TBC1D8: variants seen among roughly 807,000 people sequenced by gnomAD.
The protein encoded by TBC1D8 is TBC1 domain family member 8, also known as BUB2-like protein 1.
Under a neutral mutation model 118.8 loss-of-function variants are expected in TBC1D8, and 65 were observed. The observed-to-expected ratio is 0.55, with a 90% CI of 0.45 to 0.67. The LOEUF is 0.67. Ranked by LOEUF, TBC1D8 falls within the 30% of genes least tolerant of loss-of-function variation. TBC1D8 has a pLI of 0.00. For synonymous variants in TBC1D8, 566 were observed against 595.8 expected, an observed-to-expected ratio of 0.95 and a Z score of 0.73; for missense variants, 1,376 against 1,471.2, an observed-to-expected ratio of 0.94 and a Z score of 1.06.
intron 2 of TBC1D8, among the ~76,000 whole-genome samples, 171 bp downstream of exon 2, chr2:101,090,038 A>G (rs1574013571): frequency 1.8e-5 from 2 of 112,764 alleles, no homozygotes; most frequent in Non-Finnish European, 1.8e-5. Flanking sequence ...AGGGGAGAGG[A>G]GGGAAGGAGA....
rs562347752 is a variant in TBC1D8, at chr2:101,075,226, A to G, written c.283+14983T>C. On this transcript the variant is annotated intron_variant, in intron 2 of 19. Coordinates refer to ENST00000409318, the MANE Select transcript of TBC1D8 (RefSeq NM_001330348.2). ...AGCCTGGCCAACAGGGTGAAATCCC[A>G]TCTCTACTAAAAATACAAAAAATTA... 2.6e-5 allele frequency among the ~76,000 whole-genome samples: 4 copies of G among 152,124 alleles called. No homozygotes were observed. In the East Asian group the frequency reaches 7.8e-4, roughly 29 times the overall value.
At chr2:101,017,186 T>C (rs1195249593) in intron 17 of TBC1D8, among the ~76,000 whole-genome samples, 1 of 152,056 alleles carries the variant, frequency 6.6e-6, no homozygotes, top group African/African-American at 2.4e-5. Flanking sequence ...AAGGTCTTCA[T>C]GGGCAATAAC....
chr2:101,126,855 T>C (rs1453375299), intron 1 of TBC1D8, among the ~76,000 whole-genome samples: 1 of 151,886 alleles, frequency 6.6e-6, no homozygotes, highest in Non-Finnish European at 1.5e-5. Context: ...AGCAAGAGAG[T>C]TTCTCTGTCC....
At chr2:101,061,059 G>GC (rs1343277376) in intron 2 of TBC1D8, among the ~76,000 whole-genome samples, 1 of 151,734 alleles carries the variant, frequency 6.6e-6, no homozygotes, top group African/African-American at 2.4e-5. Flanking sequence ...ACGGTGGTGG[G>GC]CCCCCCTAAT....
intron 3 of TBC1D8, among the ~76,000 whole-genome samples, chr2:101,058,944 C>T (rs1037895260): frequency 6.7e-6 from 1 of 150,374 alleles, no homozygotes; most frequent in East Asian, 1.9e-4. Flanking sequence ...CTCACTTTGT[C>T]GCCCAGGCGG....
At chr2:101,025,665 TGAAAG>T (rs1230883102) in intron 15 of TBC1D8, among the ~76,000 whole-genome samples, 3 of 152,150 alleles carry the variant, frequency 2.0e-5, no homozygotes, top group Non-Finnish European at 4.4e-5. Flanking sequence ...ACGCAGAACA[TGAAAG>T]GAAGCAAAAT....
intron 1 of TBC1D8, among the ~76,000 whole-genome samples, chr2:101,099,482 A>G (rs1195932507): frequency 1.3e-5 from 2 of 152,238 alleles, no homozygotes; most frequent in East Asian, 1.9e-4. Context: ...ACAATTGAAA[A>G]GGAGGGACTC....
chr2:101,101,661 T>A (rs934996145), intron 1 of TBC1D8, among the ~76,000 whole-genome samples: 5 of 152,162 alleles, frequency 3.3e-5, no homozygotes, highest in Non-Finnish European at 7.3e-5. Context: ...TGCCCATCAA[T>A]GATAGACTGC....
chr2:101,122,383 C>CAAAAAAAAAAAAAAAAAAAAAA (rs70943064), intron 1 of TBC1D8, among the ~76,000 whole-genome samples: 2 of 71,944 alleles, frequency 2.8e-5, no homozygotes, highest in Admixed American at 1.9e-4. Flanking sequence ...GACTCCATTT[C>CAAAAAAAAAAAAAAAAAAAAAA]AAAAAAAAAA....
chr2:101,087,840 C>A (rs951173629), intron 2 of TBC1D8, among the ~76,000 whole-genome samples: 1 of 152,210 alleles, frequency 6.6e-6, no homozygotes, highest in African/African-American at 2.4e-5. Context: ...AATGCTGGCA[C>A]CCTTGACTCA....
chr2:101,070,600 A>T (rs1683259256), intron 2 of TBC1D8, among the ~76,000 whole-genome samples: 1 of 151,918 alleles, frequency 6.6e-6, no homozygotes, highest in Admixed American at 6.6e-5. Flanking sequence ...TTTAGTACAG[A>T]CGGGGTTTCA....
rs1676463273 is a variant in TBC1D8 at position 101,096,610 on chromosome 2, G to C, written c.128-6246C>G. Among the ~76,000 whole-genome samples the C allele has an allele frequency of 2.0e-5, 3 of 152,100 alleles. No individual in the cohort carries two copies. The South Asian group carries it at 6.2e-4, about 32-fold the overall frequency. On this transcript the variant is annotated intron_variant, in intron 1 of 19. Coordinates refer to ENST00000409318, the MANE Select transcript of TBC1D8 (RefSeq NM_001330348.2). Reference sequence around the variant, plus strand: ...ATATGCAAGAACAGATGGGTAAACAGAGAGATGGAAACTCTGAGGAAGAAT... The same window carrying C: ...ATATGCAAGAACAGATGGGTAAACACAGAGATGGAAACTCTGAGGAAGAAT...
At chr2:101,115,088 A>G (rs1157416860) in intron 1 of TBC1D8, among the ~76,000 whole-genome samples, 1 of 152,212 alleles carries the variant, frequency 6.6e-6, no homozygotes, top group Non-Finnish European at 1.5e-5. Context: ...AGTGTCCAAG[A>G]TAGAGACAAG....
chr2:101,151,172 G>T lies in TBC1D8; in HGVS notation c.82C>A (p.Leu28Met). ...TCGCCGTGCCCGCGGCGCCGCTGCA[G>T]GATGAAGTAGCAGCTGCTCTTCTGG... ...VTQKSSCYFI[L>M]QRRRGHGEGG... Residue 28 changes from leucine (L) to methionine (M), a missense_variant, in exon 1 of 20, where the codon CTG becomes ATG. Physicochemically the swap from Leu to Met is conservative, Grantham distance 15. Coordinates refer to ENST00000409318, the MANE Select transcript of TBC1D8 (RefSeq NM_001330348.2). The T allele has an allele frequency of 8.1e-7, 1 of 1,241,370 alleles. No individual in the cohort carries two copies. Among genetic ancestry groups the T allele is most frequent in the Non-Finnish European group, 1.0e-6 (1 of 965,776 alleles). The allele number at this position is 1,241,370 out of a possible 1,614,324, so 76.9% of individuals were successfully genotyped here.
intron 2 of TBC1D8, among the ~76,000 whole-genome samples, chr2:101,089,838 G>A (rs956918694): frequency 7.3e-5 from 11 of 150,806 alleles, no homozygotes; most frequent in Non-Finnish European, 1.5e-4. Context: ...GACAATATAC[G>A]AGCACCATGA....
At position 101,037,538 on chromosome 2, in the gene TBC1D8, G is replaced by A. The variant is rs1466354872; in HGVS notation, c.1446C>T (p.Ser482=). 1.9e-6 allele frequency: 3 copies of A among 1,612,224 alleles called. No homozygotes were observed. The highest frequency in any genetic ancestry group is 2.5e-6 in the Non-Finnish European group (3 of 1,179,846). The part of the protein sequence containing the change: ...FQQSGSQSPD[S]RMSREQIKIS... ...GGCACCAGGCGTCACCCACCATTCGGGAGTCAGGGCTCTGGCTGCCTGACT... is the reference window on the plus strand; with the variant it reads ...GGCACCAGGCGTCACCCACCATTCGAGAGTCAGGGCTCTGGCTGCCTGACT... Residue 482 remains serine (S), a synonymous_variant, in exon 8 of 20, where the codon TCC becomes TCT. Coordinates refer to ENST00000409318, the MANE Select transcript of TBC1D8 (RefSeq NM_001330348.2).
intron 1 of TBC1D8, among the ~76,000 whole-genome samples, chr2:101,096,283 A>T (rs1374321): frequency 0.15 from 22,801 of 151,852 alleles, 1,842 homozygotes; most frequent in Middle Eastern, 0.24. Context: ...ACACCTGAGG[A>T]ATCTGAACAC....
rs116205674 is a variant in TBC1D8 at position 101,049,457 on chromosome 2, G to A, written c.872+944C>T. Among the ~76,000 whole-genome samples the A allele has an allele frequency of 6.8e-3, 1,040 of 152,206 alleles. 8 individuals are homozygous for A. Among genetic ancestry groups the A allele is most frequent in the African/African-American group, 0.023 (948 of 41,536 alleles). ...AAGACAAAATATGTCAGCCAGGCAC[G>A]GTGGCTCACACCTGTAATCCCAGCA... On this transcript the variant is annotated intron_variant, in intron 5 of 19. Transcript: ENST00000409318.
At chr2:101,016,642 C>T (rs375398906) in intron 17 of TBC1D8, among the ~76,000 whole-genome samples, 1 of 152,078 alleles carries the variant, frequency 6.6e-6, no homozygotes, top group Non-Finnish European at 1.5e-5. Flanking sequence ...TATTGCGGCA[C>T]TATTCACAAT....
Sources: gnomAD v4.1 joint callset for allele counts (sites outside exome capture counted in the v4.1 genomes callset) on GRCh38, gnomAD v4.1.1 for gene constraint, MANE v1.5 for transcripts, NCBI Gene and HGNC (gene_info 2026-07-23, HGNC 2026-07-21) for gene names.